The following MAGI1 variants were observed in gnomAD, a reference collection of about 807,000 sequenced individuals.
The protein encoded by MAGI1 is membrane associated guanylate kinase, WW and PDZ domain containing 1, also known as membrane-associated guanylate kinase, WW and PDZ domain-containing protein 1.
A neutral mutation model predicts 139.9 loss-of-function variants in MAGI1; 58 were observed. The observed-to-expected ratio is 0.41, with a 90% CI of 0.34 to 0.52. The LOEUF is 0.52. MAGI1 is among the 20% of genes least tolerant of loss of function. MAGI1 has a pLI of 0.12. For missense variants in MAGI1, 1,874 were observed against 1,901.6 expected (o/e 0.99, Z 0.27); for synonymous variants, 812 against 737.9 (o/e 1.10, Z -1.63).
intron 14 of MAGI1, chr3:65,387,162 C>T (rs200026736): frequency 3.0e-5 from 49 of 1,613,980 alleles, no homozygotes; most frequent in African/African-American, 1.9e-4. Context: ...CTCCAAAATT[C>T]GTGGAATTGA....
chr3:65,616,063 T>C (rs143107337), intron 2 of MAGI1, among the ~76,000 whole-genome samples: 1,829 of 152,282 alleles, frequency 0.012, 29 homozygotes, highest in Admixed American at 0.043. Context: ...ACAGGATAAT[T>C]TGGACAGAAC....
intron 1 of MAGI1, among the ~76,000 whole-genome samples, chr3:66,027,294 A>AC (rs2068334372): frequency 6.7e-6 from 1 of 148,262 alleles, no homozygotes; most frequent in African/African-American, 2.5e-5. Flanking sequence ...ATAAATAAAT[A>AC]AATAAATAAA....
intron 12 of MAGI1, 115 bp downstream of exon 12, chr3:65,429,405 T>C (rs1947315652): frequency 1.8e-6 from 2 of 1,138,964 alleles, no homozygotes; most frequent in East Asian, 4.8e-5. Context: ...TCAGTAGGCA[T>C]TTTGAAACAT....
intron 1 of MAGI1, among the ~76,000 whole-genome samples, chr3:65,931,555 C>T (rs1230619932): frequency 6.6e-6 from 1 of 152,108 alleles, no homozygotes; most frequent in Non-Finnish European, 1.5e-5. Context: ...GTCCCTGCTA[C>T]TTGGGAGGCT....
At chr3:66,007,903 T>G (rs972997325) in intron 1 of MAGI1, among the ~76,000 whole-genome samples, 2 of 150,818 alleles carry the variant, frequency 1.3e-5, no homozygotes, top group African/African-American at 4.9e-5. Context: ...TTTTTTTTTT[T>G]TTTTTTTTTT....
chr3:65,357,368 C>T (rs1940276324), intron 22 of MAGI1, among the ~76,000 whole-genome samples: 1 of 152,120 alleles, frequency 6.6e-6, no homozygotes, highest in South Asian at 2.1e-4. Context: ...ATACCCGAGA[C>T]ATAGATCATT....
chr3:65,844,666 T>C (rs1001660857), intron 1 of MAGI1, among the ~76,000 whole-genome samples: 3 of 152,022 alleles, frequency 2.0e-5, no homozygotes, highest in Non-Finnish European at 4.4e-5. Flanking sequence ...GGAACAGGGG[T>C]CCAGAGAAGC....
At chr3:65,638,590 T>C in intron 1 of MAGI1, among the ~76,000 whole-genome samples, 2 of 128,602 alleles carry the variant, frequency 1.6e-5, no homozygotes, top group Admixed American at 8.4e-5. Flanking sequence ...GCCACCATGC[T>C]CTCCTGATTT....
At chr3:65,846,976 CAAAAAAA>C (rs58391331) in intron 1 of MAGI1, among the ~76,000 whole-genome samples, 4 of 80,976 alleles carry the variant, frequency 4.9e-5, no homozygotes, top group East Asian at 3.5e-4. Context: ...CAATGTCTTA[CAAAAAAA>C]AAAAAAAAAA....
chr3:65,370,976 G>A (rs1575541413), intron 18 of MAGI1, among the ~76,000 whole-genome samples: 1 of 152,206 alleles, frequency 6.6e-6, no homozygotes, highest in Non-Finnish European at 1.5e-5. Flanking sequence ...ATTAAATTAA[G>A]TCAACATCTA....
At chr3:65,364,997 C>G in intron 18 of MAGI1, 51 bp from the exon 19 acceptor site, 1 of 1,487,556 alleles carries the variant, frequency 6.7e-7, no homozygotes, top group Non-Finnish European at 9.4e-7. Flanking sequence ...AGAAGACATC[C>G]TCCAGCCAGG....
chr3:66,023,757 G>T (rs2068085867), intron 1 of MAGI1, among the ~76,000 whole-genome samples: 1 of 152,174 alleles, frequency 6.6e-6, no homozygotes, highest in Non-Finnish European at 1.5e-5. Context: ...CGTTCTTGTT[G>T]GTAAAGCTAC....
chr3:65,740,368 C>T (rs578142339), intron 1 of MAGI1, among the ~76,000 whole-genome samples: 7 of 152,124 alleles, frequency 4.6e-5, no homozygotes, highest in Non-Finnish European at 1.0e-4. Context: ...CCCCATTGTA[C>T]CACTGCAAAA....
intron 1 of MAGI1, among the ~76,000 whole-genome samples, chr3:65,961,636 A>T (rs2064428881): frequency 6.6e-6 from 1 of 152,214 alleles, no homozygotes; most frequent in South Asian, 2.1e-4. Context: ...TTGTTTTTAA[A>T]GGTCTAGTGA....
intron 1 of MAGI1, among the ~76,000 whole-genome samples, chr3:65,799,098 T>G (rs1203488124): frequency 6.6e-6 from 1 of 152,028 alleles, no homozygotes; most frequent in Non-Finnish European, 1.5e-5. Context: ...AAGGTGAAAA[T>G]TCTCGATTTA....
intron 1 of MAGI1, among the ~76,000 whole-genome samples, 190 bp from the exon 2 acceptor site, chr3:65,622,278 A>C (rs901226944): frequency 1.3e-5 from 2 of 152,222 alleles, no homozygotes; most frequent in African/African-American, 2.4e-5. Flanking sequence ...AAGATAAAAC[A>C]GCACTGGCAA....
At chr3:65,460,262 C>G (rs568497375) in intron 5 of MAGI1, among the ~76,000 whole-genome samples, 3 of 152,320 alleles carry the variant, frequency 2.0e-5, no homozygotes, top group South Asian at 4.1e-4. Context: ...TGGGAAATTG[C>G]TGATTACTAC....
At chr3:65,870,067 A>G (rs1263774131) in intron 1 of MAGI1, among the ~76,000 whole-genome samples, 1 of 152,070 alleles carries the variant, frequency 6.6e-6, no homozygotes, top group East Asian at 1.9e-4. Context: ...CATTAAATGC[A>G]TTTCCTCTTA....
intron 1 of MAGI1, among the ~76,000 whole-genome samples, chr3:65,932,478 TC>T (rs2062849175): frequency 1.3e-5 from 2 of 152,144 alleles, no homozygotes; most frequent in South Asian, 4.1e-4. Flanking sequence ...TGGAACACAA[TC>T]CCCTTCAGCA....
Sources: allele counts gnomAD v4.1 joint callset (sites outside exome capture counted in the v4.1 genomes callset), GRCh38; gene constraint gnomAD v4.1.1; transcripts MANE v1.5; gene names NCBI Gene and HGNC (gene_info 2026-07-23, HGNC 2026-07-21).